CIRBP: variants seen among roughly 807,000 people sequenced by gnomAD.
CIRBP encodes the protein cold-inducible RNA-binding protein.
Under a neutral mutation model 22.3 loss-of-function variants are expected in CIRBP, and 11 were observed. The observed-to-expected ratio is 0.49, with a 90% CI of 0.31 to 0.82. CIRBP has a LOEUF of 0.82. Ranked by LOEUF, CIRBP falls within the 40% of genes least tolerant of loss-of-function variation. The pLI is 0.05. For missense variants in CIRBP, 456 were observed against 402.7 expected, an observed-to-expected ratio of 1.13 and a Z score of -1.13; for synonymous variants, 216 against 158.8, an observed-to-expected ratio of 1.36 and a Z score of -2.71.
chr19:1,271,062 C>G, intron 2 of CIRBP, 26 bp downstream of exon 2: 1 of 1,612,146 alleles, frequency 6.2e-7, no homozygotes, highest in Non-Finnish European at 8.5e-7. Flanking sequence ...GGCCCGCGGC[C>G]CTGGGCGGGG....
Position 1,272,454 on chromosome 19 carries a change from T to TGAA in CIRBP, c.*12_*13insAAG. ...ACACACAACGAGTAAAAACCCTTCC[T>TGAA]GCTCAAGATCGTCCTTCCAATGGCT... On this transcript the variant is annotated 3_prime_UTR_variant, in exon 6 of 6. Coordinates refer to ENST00000587896, the MANE Select transcript of CIRBP (RefSeq NM_001300829.2). 1 of 1,522,956 alleles carries TGAA rather than the reference T, an allele frequency of 6.6e-7. No individual in the cohort carries two copies. The highest frequency in any genetic ancestry group is 8.8e-7 in the Non-Finnish European group (1 of 1,134,846). The allele number at this position is 1,522,956 out of a possible 1,614,324, so 94.3% of individuals were successfully genotyped here.
chr19:1,271,367 C>G lies in CIRBP; in HGVS notation c.249C>G (p.Gly83=), dbSNP rs2081336231. The change falls in exon 4 of 6, where the codon GGC becomes GGG. Residue 83 remains glycine (G), a synonymous_variant. Coordinates refer to ENST00000587896, the MANE Select transcript of CIRBP (RefSeq NM_001300829.2). ...DGRQIRVDQA[G]KSSDNRSRGY... is the part of the protein sequence containing the mutation. ...GGCAGATCCGAGTAGACCAGGCAGG[C>G]AAGTCGTCAGACAACCGATCCCGTG... The G allele has an allele frequency of 6.2e-7, 1 of 1,613,980 alleles. No individual in the cohort carries two copies. Among genetic ancestry groups the G allele is most frequent in the Non-Finnish European group, 8.5e-7 (1 of 1,180,032 alleles).
rs1424388026 is a variant in CIRBP at position 1,273,729 on chromosome 19, C to T, written c.*1286C>T. 6.6e-6 allele frequency: 1 copy of T among 152,248 alleles called. No individual in the cohort carries two copies. Among genetic ancestry groups the T allele is most frequent in the Non-Finnish European group, 1.5e-5 (1 of 68,058 alleles). The allele number at this position is 152,248 out of a possible 1,614,324, so 9.4% of individuals were successfully genotyped here. A position where few individuals can be genotyped will look rare whatever the true frequency, so the allele number is the denominator to read the frequency against. On this transcript the variant is annotated 3_prime_UTR_variant, in exon 6 of 6. Coordinates refer to ENST00000587896, the MANE Select transcript of CIRBP (RefSeq NM_001300829.2). ...CTGTAATTCGAGGTAACTCCTTCCGCTCGTGTCCACATCCCTCTTGTTGAG... is the reference window on the plus strand; with the variant it reads ...CTGTAATTCGAGGTAACTCCTTCCGTTCGTGTCCACATCCCTCTTGTTGAG...
chr19:1,269,861 A>G (rs1452201949), intron 1 of CIRBP: 1 of 519,638 alleles, frequency 1.9e-6, no homozygotes, highest in Non-Finnish European at 3.8e-6. Flanking sequence ...TTGCGATTGC[A>G]TGAGGGAAAG....
rs201255085 is a variant in CIRBP, at chr19:1,271,132, C to T, written c.104-8C>T. On this transcript the variant is annotated splice_polypyrimidine_tract_variant and splice_region_variant and intron_variant, in intron 2 of 5. Coordinates refer to ENST00000587896, the MANE Select transcript of CIRBP (RefSeq NM_001300829.2). Reference sequence around the variant, plus strand: ...GGTGCTGACTGCAGACCTCTCTCCCCTGCACAGTGGTGGTTGTGAAAGACA... The same window carrying T: ...GGTGCTGACTGCAGACCTCTCTCCCTTGCACAGTGGTGGTTGTGAAAGACA... 1.9e-6 allele frequency: 3 copies of T among 1,613,650 alleles called. No individual in the cohort carries two copies. Among genetic ancestry groups the T allele is most frequent in the Middle Eastern group, 1.6e-4 (1 of 6,082 alleles).
chr19:1,270,209 C>T lies in CIRBP; in HGVS notation c.-6-719C>T, dbSNP rs989413464. The T allele has an allele frequency of 4.5e-5, 19 of 421,948 alleles. No individual in the cohort carries two copies. The Admixed American group carries it at 4.6e-4, about 10-fold the overall frequency. The allele number at this position is 421,948 out of a possible 1,614,324, so 26.1% of individuals were successfully genotyped here. A position where few individuals can be genotyped will look rare whatever the true frequency, so the allele number is the denominator to read the frequency against. On this transcript the variant is annotated intron_variant, in intron 1 of 5. Coordinates refer to ENST00000587896, the MANE Select transcript of CIRBP (RefSeq NM_001300829.2). ...ACCTGCCCTGAGGTGCCCCCCAGGACGGGGCGGCCTCCCTGACAGCCAGCC... is the reference window on the plus strand; with the variant it reads ...ACCTGCCCTGAGGTGCCCCCCAGGATGGGGCGGCCTCCCTGACAGCCAGCC...
At chr19:1,271,078 T>C (rs1319990527) in intron 2 of CIRBP, 42 bp downstream of exon 2, 5 of 1,610,048 alleles carry the variant, frequency 3.1e-6, no homozygotes, top group East Asian at 2.2e-5. Context: ...CGGGGGGGCT[T>C]GTGCTCCTCC....
rs1038584116 is a variant in CIRBP at position 1,272,586 on chromosome 19, A to T, written c.*143A>T. ...TTTCGGTTCTGATCTTGTCAAACCC[A>T]GCCTGACCGCTTCTGACGCCGGGAT... On this transcript the variant is annotated 3_prime_UTR_variant, in exon 6 of 6. Coordinates refer to ENST00000587896, the MANE Select transcript of CIRBP (RefSeq NM_001300829.2). The T allele has an allele frequency of 2.7e-6, 2 of 737,104 alleles. No homozygotes were observed. The highest frequency in any genetic ancestry group is 3.5e-5 in the African/African-American group (2 of 56,834). The allele number at this position is 737,104 out of a possible 1,614,324, so 45.7% of individuals were successfully genotyped here. A position where few individuals can be genotyped will look rare whatever the true frequency, so the allele number is the denominator to read the frequency against.
chr19:1,273,795 C>T lies in CIRBP; in HGVS notation c.*1352C>T, dbSNP rs1191603492. The stretch of plus-strand genomic sequence containing the variant: ...ATGTGCCCGGGGAATGTTCCTGTGA[C>T]TGTTTTTTGTTTTTCCTTTTTTTTT... On this transcript the variant is annotated 3_prime_UTR_variant, in exon 6 of 6. Transcript: ENST00000587896. 1 of 152,250 alleles carries T rather than the reference C, an allele frequency of 6.6e-6. No individual in the cohort carries two copies. The highest frequency in any genetic ancestry group is 1.5e-5 in the Non-Finnish European group (1 of 68,154). 9.4% of individuals were successfully genotyped at this position (152,250 alleles called of 1,614,324 possible). A position where few individuals can be genotyped will look rare whatever the true frequency, so the allele number is the denominator to read the frequency against.
At chr19:1,271,686 G>C (rs779583943) in intron 5 of CIRBP, 54 bp downstream of exon 5, 1 of 1,152,100 alleles carries the variant, frequency 8.7e-7, no homozygotes, top group East Asian at 2.4e-5. Context: ...GCCAGCTTCC[G>C]TCCCGGGTCC....
intron 1 of CIRBP, chr19:1,270,165 C>G (rs775108866): frequency 5.9e-6 from 3 of 506,460 alleles, no homozygotes; most frequent in Non-Finnish European, 1.2e-5. Context: ...CGGCCTAGGT[C>G]CTGGCTATGG....
Position 1,271,801 on chromosome 19 carries a change from G to A in CIRBP, c.431+169G>A, listed in dbSNP as rs1258987531. The A allele has an allele frequency of 1.8e-5, 13 of 704,004 alleles. 1 individual carries two copies. The highest frequency in any genetic ancestry group is 1.3e-4 in the South Asian group (7 of 54,106). 43.6% of individuals were successfully genotyped at this position (704,004 alleles called of 1,614,324 possible). A position where few individuals can be genotyped will look rare whatever the true frequency, so the allele number is the denominator to read the frequency against. On this transcript the variant is annotated intron_variant, in intron 5 of 5. Coordinates refer to ENST00000587896, the MANE Select transcript of CIRBP (RefSeq NM_001300829.2). ...GACTGCTCAGGACATTCGCAGAAGC[G>A]GGAGGGCCTGGGGGACAGGCTGGTG... is the stretch of plus-strand genomic sequence containing the variant.
Position 1,272,042 on chromosome 19 carries a change from G to T in CIRBP, c.493G>T (p.Asp165Tyr). The T allele has an allele frequency of 6.2e-7, 1 of 1,613,418 alleles. No individual in the cohort carries two copies. The highest frequency in any genetic ancestry group is 8.5e-7 in the Non-Finnish European group (1 of 1,179,386). Residue 165 changes from aspartate (D) to tyrosine (Y), a missense_variant, in exon 6 of 6, where the codon GAC (aspartate) becomes TAC (tyrosine). Asp to Tyr is a radical substitution (Grantham distance 160). Transcript: ENST00000587896. ...SSGGSYRDSY[D>Y]SYGKSHSEGA... ...GGGCGGGTCCTACAGAGACAGTTAT[G>T]ACAGTTACGGTAAGTCACACTCCGA...
At chr19:1,269,610 G>A (rs1344590647) in intron 1 of CIRBP, among the ~76,000 whole-genome samples, 200 bp downstream of exon 1, 1 of 151,666 alleles carries the variant, frequency 6.6e-6, no homozygotes, top group Non-Finnish European at 1.5e-5. Context: ...CCGGGCCGCC[G>A]GCGACCCGGT....
In CIRBP at chr19:1,274,641, CCTT is replaced by C. The variant is rs2081393161; in HGVS notation, c.*2200_*2202del. On this transcript the variant is annotated 3_prime_UTR_variant, in exon 6 of 6. Coordinates refer to ENST00000587896, the MANE Select transcript of CIRBP (RefSeq NM_001300829.2). ...CGCCTGTTCTCCCTCCCTTCCTCCT[CCTT>C]CCAGGAGGCGCTTCGCCAGTGAGGT... The C allele has an allele frequency of 4.0e-6, 1 of 247,140 alleles. No individual in the cohort carries two copies. The allele number at this position is 247,140 out of a possible 1,614,324, so 15.3% of individuals were successfully genotyped here.
intron 1 of CIRBP, chr19:1,269,759 C>A (rs566702178): frequency 7.1e-6 from 3 of 421,808 alleles, no homozygotes; most frequent in African/African-American, 4.1e-5. Context: ...GTGGCGCCCC[C>A]GGTCTCCAGG....
Position 1,271,205 on chromosome 19 carries a change from A to G in CIRBP, c.169A>G (p.Ile57Val), listed in dbSNP as rs762155419. 2 of 1,614,046 alleles carry G rather than the reference A, an allele frequency of 1.2e-6. No individual in the cohort carries two copies. Among genetic ancestry groups the G allele is most frequent in the Non-Finnish European group, 1.7e-6 (2 of 1,180,024 alleles). ...ATTTGGGTTTGTCACCTTTGAGAAC[A>G]TTGACGACGCTAAGGATGCCATGAT... is the stretch of plus-strand genomic sequence containing the variant. The part of the protein sequence containing the change: ...RGFGFVTFEN[I>V]DDAKDAMMAM... Residue 57 changes from isoleucine (I) to valine (V), a missense_variant, in exon 3 of 6, where the codon ATT (isoleucine) becomes GTT (valine). Coordinates refer to ENST00000587896, the MANE Select transcript of CIRBP (RefSeq NM_001300829.2).
At chr19:1,271,745 G>A in intron 5 of CIRBP, 113 bp downstream of exon 5, 2 of 775,088 alleles carry the variant, frequency 2.6e-6, no homozygotes, top group South Asian at 3.6e-5. Context: ...AGGAGCAGAG[G>A]CAGGTGGGGA....
At chr19:1,269,673 G>A (rs2081300160) in intron 1 of CIRBP, among the ~76,000 whole-genome samples, 1 of 151,936 alleles carries the variant, frequency 6.6e-6, no homozygotes, top group Non-Finnish European at 1.5e-5. Flanking sequence ...GCGAAATGGC[G>A]GGAGCGCCGA....
Sources: gnomAD v4.1 joint callset for allele counts (sites outside exome capture counted in the v4.1 genomes callset) on GRCh38, gnomAD v4.1.1 for gene constraint, MANE v1.5 for transcripts, NCBI Gene and HGNC (gene_info 2026-07-23, HGNC 2026-07-21) for gene names.